The following HDAC9 variants were observed in gnomAD, a reference collection of about 807,000 sequenced individuals.
HDAC9 encodes histone deacetylase 9, also known as MEF-2 interacting transcription repressor (MITR) protein.
A neutral mutation model predicts 139.4 loss-of-function variants in HDAC9; 41 were observed. That is an observed-to-expected ratio of 0.29 (90% CI 0.23 to 0.38). HDAC9 has a LOEUF of 0.38. Ranked by LOEUF, HDAC9 falls within the 10% of genes least tolerant of loss-of-function variation. The pLI is 1.00. For missense variants in HDAC9, 1,147 were observed against 1,297.0 expected, an observed-to-expected ratio of 0.88 and a Z score of 1.78; for synonymous variants, 517 against 476.2, an observed-to-expected ratio of 1.09 and a Z score of -1.12.
In HDAC9 at chr7:18,905,615, A is replaced by C. The variant is rs920687496; in HGVS notation, c.2804-30194A>C. Among the ~76,000 whole-genome samples, 6 of 151,682 alleles carry C rather than the reference A, an allele frequency of 4.0e-5. No homozygotes were observed. The East Asian group carries it at 1.2e-3, about 29-fold the overall frequency. On this transcript the variant is annotated intron_variant, in intron 22 of 25. Transcript: ENST00000686413. ...TAATGTAAAATTAAACCCTTTTAAA[A>C]TGTTTTCATGAAGAAACAAACCTGC...
chr7:18,681,169 G>A (rs1053515187), intron 12 of HDAC9, among the ~76,000 whole-genome samples: 15 of 151,896 alleles, frequency 9.9e-5, no homozygotes, highest in African/African-American at 3.1e-4. Flanking sequence ...GTTCATGTGT[G>A]TATTTTTGTG....
Position 18,732,838 on chromosome 7 carries a change from T to TAC in HDAC9, c.1909+5088_1909+5089dup, listed in dbSNP as rs138378863. ...ACACGTGTGTATGTGTGCGTATGTG[T>TAC]ACACACACGTGTGTATGTGTGCGTA... On this transcript the variant is annotated intron_variant, in intron 13 of 25. Transcript: ENST00000686413. Among the ~76,000 whole-genome samples the TAC allele has an allele frequency of 2.4e-3, 200 of 82,958 alleles. 21 individuals carry two copies. Among genetic ancestry groups the TAC allele is most frequent in the African/African-American group, 5.9e-3 (91 of 15,318 alleles). The allele number at this position is 82,958 out of a possible 152,430, so 54.4% of individuals were successfully genotyped here. A position where few individuals can be genotyped will look rare whatever the true frequency, so the allele number is the denominator to read the frequency against.
intron 21 of HDAC9, among the ~76,000 whole-genome samples, chr7:18,865,772 A>G (rs573799323): frequency 2.0e-5 from 3 of 152,152 alleles, no homozygotes; most frequent in Non-Finnish European, 4.4e-5. Flanking sequence ...AAAAATGTGC[A>G]GTCTATAATG....
At chr7:18,267,064 A>T (rs762238806) in intron 2 of HDAC9, among the ~76,000 whole-genome samples, 2 of 152,116 alleles carry the variant, frequency 1.3e-5, no homozygotes, top group African/African-American at 2.4e-5. Context: ...TTGTGAGGGG[A>T]CCAGTCTACA....
intron 1 of HDAC9, among the ~76,000 whole-genome samples, chr7:18,370,709 A>T (rs901581196): frequency 3.3e-5 from 5 of 152,132 alleles, no homozygotes; most frequent in African/African-American, 1.2e-4. Flanking sequence ...TGTTTGATGC[A>T]TTTTGCATAA....
chr7:18,110,794 G>A (rs142949282), intron 1 of HDAC9, among the ~76,000 whole-genome samples: 15 of 152,238 alleles, frequency 9.9e-5, no homozygotes, highest in African/African-American at 2.9e-4. Context: ...TCCAGCCAAC[G>A]GGGAGTCTAA....
At chr7:18,857,106 A>G (rs933471764) in intron 21 of HDAC9, among the ~76,000 whole-genome samples, 1 of 151,770 alleles carries the variant, frequency 6.6e-6, no homozygotes, top group African/African-American at 2.4e-5. Context: ...CTTTTTCTCT[A>G]TGTGTCATAG....
chr7:18,521,012 C>T (rs1471117864), intron 2 of HDAC9, among the ~76,000 whole-genome samples: 1 of 152,078 alleles, frequency 6.6e-6, no homozygotes, highest in Admixed American at 6.6e-5. Context: ...CTCTAACAGG[C>T]GTTTTAGAGA....
intron 12 of HDAC9, chr7:18,667,864 ATAGGTT>A (rs1795264479): frequency 1.0e-6 from 1 of 983,166 alleles, no homozygotes. Flanking sequence ...ACCTTGTTTT[ATAGGTT>A]TACTTTTGTT....
At chr7:18,744,341 C>G (rs931923347) in intron 13 of HDAC9, among the ~76,000 whole-genome samples, 4 of 152,164 alleles carry the variant, frequency 2.6e-5, no homozygotes, top group Non-Finnish European at 5.9e-5. Flanking sequence ...CTGCTAGAAT[C>G]TGGAACATAG....
intron 25 of HDAC9, among the ~76,000 whole-genome samples, chr7:18,989,786 C>G (rs562404791): frequency 2.3e-5 from 2 of 87,058 alleles, no homozygotes; most frequent in Middle Eastern, 4.3e-3. Flanking sequence ...CTTCCCTTCT[C>G]GCTTCATTTC....
At chr7:18,509,692 C>G (rs1461929189) in intron 2 of HDAC9, among the ~76,000 whole-genome samples, 1 of 152,128 alleles carries the variant, frequency 6.6e-6, no homozygotes, top group Non-Finnish European at 1.5e-5. Flanking sequence ...ATGTCTGACA[C>G]CATCACTGAT....
rs986998678 is a variant in HDAC9 at position 18,217,541 on chromosome 7, T to C, written c.25+55192T>C. ...AGGACCTTTTTGGGTACTTTTAAAG[T>C]TTGCTAATTTACTGTAACTGGAACA... On this transcript the variant is annotated intron_variant, in intron 2 of 12. Transcript: ENST00000417496. 3.6e-4 allele frequency among the ~76,000 whole-genome samples: 55 copies of C among 152,182 alleles called. 1 individual carries two copies. Among genetic ancestry groups the C allele is most frequent in the Admixed American group, 3.6e-3 (55 of 15,264 alleles).
chr7:18,896,676 T>C (rs1369808908), intron 22 of HDAC9, among the ~76,000 whole-genome samples: 1 of 152,142 alleles, frequency 6.6e-6, no homozygotes, highest in Non-Finnish European at 1.5e-5. Flanking sequence ...TAAATAATTT[T>C]AACAATGTGT....
chr7:18,861,028 AT>A (rs1798064614), intron 21 of HDAC9, among the ~76,000 whole-genome samples: 1 of 152,188 alleles, frequency 6.6e-6, no homozygotes, highest in South Asian at 2.1e-4. Context: ...TGATTTAGTA[AT>A]GCTTATGAAA....
intron 2 of HDAC9, among the ~76,000 whole-genome samples, chr7:18,507,960 C>T (rs947964090): frequency 1.3e-5 from 2 of 152,110 alleles, no homozygotes; most frequent in African/African-American, 4.8e-5. Context: ...TTTTAATGAG[C>T]GGGTCGAAGA....
At chr7:18,485,176 C>T (rs781176891) in intron 1 of HDAC9, among the ~76,000 whole-genome samples, 14 of 152,040 alleles carry the variant, frequency 9.2e-5, no homozygotes, top group Non-Finnish European at 2.9e-5. Context: ...CAAACACAGG[C>T]GTAATTCATT....
rs58794891 is a variant in HDAC9 at position 18,392,399 on chromosome 7, G to GGATAGATA, written c.-42+101919_-42+101926dup. ...TCTCTAGATAGATGGATAGATAGAT[G>GGATAGATA]GATAGATAGATAGATAGATAGATAG... On this transcript the variant is annotated intron_variant, in intron 1 of 3. Coordinates refer to the HDAC9 transcript ENST00000413509. Among the ~76,000 whole-genome samples the GGATAGATA allele has an allele frequency of 5.0e-3, 729 of 146,858 alleles. 3 individuals are homozygous for GGATAGATA. The highest frequency in any genetic ancestry group is 0.011 in the African/African-American group (436 of 39,610).
chr7:18,386,583 A>T (rs1785950280), intron 1 of HDAC9, among the ~76,000 whole-genome samples: 1 of 152,174 alleles, frequency 6.6e-6, no homozygotes. Flanking sequence ...TTACCAGTGG[A>T]GGGGAATTAA....
Sources: gnomAD v4.1 joint callset for allele counts (sites outside exome capture counted in the v4.1 genomes callset) on GRCh38, gnomAD v4.1.1 for gene constraint, MANE v1.5 for transcripts, NCBI Gene and HGNC (gene_info 2026-07-23, HGNC 2026-07-21) for gene names.